Variants in H3C4 observed in about 807,000 individuals in gnomAD.
The protein encoded by H3C4 is histone H3.1.
A neutral mutation model predicts 8.7 loss-of-function variants in H3C4; 10 were observed. That is an observed-to-expected ratio of 1.15 (90% CI 0.71 to 1.96). The LOEUF (loss-of-function observed/expected upper bound fraction) is 1.96. Among genes scored for constraint, H3C4 ranks in the 30% most tolerant of loss-of-function variants. The probability of loss-of-function intolerance (pLI) is 0.00; values close to 1 mark genes in which losing one functional copy is unlikely to be tolerated. For missense variants in H3C4, 216 were observed against 192.9 expected, an observed-to-expected ratio of 1.12 and a Z score of -0.71; for synonymous variants, 141 against 80.1, an observed-to-expected ratio of 1.76 and a Z score of -4.06.
chr6:26,198,858 C>T (rs1380583736), upstream of H3C4: 4 of 1,613,354 alleles, frequency 2.5e-6, no homozygotes, highest in Admixed American at 1.7e-5. Context: ...GTTTTACTTG[C>T]CCTTGGCCTT....
At chr6:26,198,362 C>T (rs1009853785), upstream of H3C4, among the ~76,000 whole-genome samples, 1 of 152,158 alleles carries the variant, frequency 6.6e-6, no homozygotes, top group African/African-American at 2.4e-5. Context: ...GAGACAGTCT[C>T]GCTCTGTCGC....
rs780691617 is a variant in H3C4 at position 26,197,241 on chromosome 6, T to C, written c.10A>G (p.Thr4Ala). Reference sequence around the variant, plus strand: ...GTGGACTTGCGAGCAGTCTGCTTGGTACGAGCCATTGCGAACTTCTAAACC... The same window carrying C: ...GTGGACTTGCGAGCAGTCTGCTTGGCACGAGCCATTGCGAACTTCTAAACC... Reference protein sequence around the residue: MARTKQTARKSTGG... With the variant: MARAKQTARKSTGG... Residue 4 changes from threonine (T) to alanine (A), a missense_variant, in exon 1 of 1, where the codon ACC (threonine) becomes GCC (alanine). Thr to Ala is a moderately conservative substitution (Grantham distance 58). Transcript: ENST00000356476. 1.9e-6 allele frequency: 3 copies of C among 1,611,898 alleles called. No individual in the cohort carries two copies. Among genetic ancestry groups the C allele is most frequent in the Non-Finnish European group, 2.5e-6 (3 of 1,179,460 alleles).
At chr6:26,198,716 A>G (rs1301244502), upstream of H3C4, 2 of 837,256 alleles carry the variant, frequency 2.4e-6, no homozygotes, top group East Asian at 5.5e-5. Context: ...TTATAAATGG[A>G]AAAATTATTA....
At chr6:26,198,879 T>G, upstream of H3C4, 1 of 1,614,182 alleles carries the variant, frequency 6.2e-7, no homozygotes, top group Non-Finnish European at 8.5e-7. Flanking sequence ...GTGGTGACTC[T>G]CAGTCTTCTT....
chr6:26,198,903 G>C, upstream of H3C4: 1 of 1,614,236 alleles, frequency 6.2e-7, no homozygotes, highest in Non-Finnish European at 8.5e-7. Flanking sequence ...GAGCAGTACA[G>C]CCTGGATGTT....
Position 26,196,979 on chromosome 6 carries a change from A to T in H3C4, c.272T>A (p.Met91Lys), listed in dbSNP as rs1764983737. The T allele has an allele frequency of 6.2e-7, 1 of 1,614,254 alleles. No individual in the cohort carries two copies. Among genetic ancestry groups the T allele is most frequent in the East Asian group, 2.2e-5 (1 of 44,890 alleles). ...TDLRFQSSAV[M>K]ALQEACEAYL... is the part of the protein sequence containing the mutation. ...GGCCTCGCAGGCCTCCTGCAGCGCC[A>T]TCACCGCCGAGCTCTGAAAACGCAG... is the stretch of plus-strand genomic sequence containing the variant. Residue 91 changes from methionine (M) to lysine (K), a missense_variant, in exon 1 of 1, where the codon ATG becomes AAG. Met to Lys is a moderately conservative substitution (Grantham distance 95, BLOSUM62 -1). Transcript: ENST00000356476.
At chr6:26,198,824 T>G, upstream of H3C4, 1 of 1,602,554 alleles carries the variant, frequency 6.2e-7, no homozygotes, top group East Asian at 2.2e-5. Flanking sequence ...ACTGCTTCCT[T>G]AAAAAGCCAA....
In H3C4 at chr6:26,196,973, AG is replaced by A. The variant is rs1231613789; in HGVS notation, c.277del (p.Leu93CysfsTer26). 1.2e-6 allele frequency: 2 copies of A among 1,614,242 alleles called. No homozygotes were observed. Among genetic ancestry groups the A allele is most frequent in the Non-Finnish European group, 1.7e-6 (2 of 1,180,038 alleles). The stretch of plus-strand genomic sequence containing the variant: ...CAGGTAGGCCTCGCAGGCCTCCTGC[AG>A]CGCCATCACCGCCGAGCTCTGAAAA... ...LRFQSSAVMA[L>X]QEACEAYLVG... On this transcript the variant is annotated frameshift_variant, in exon 1 of 1. Coordinates refer to ENST00000356476, the MANE Select transcript of H3C4 (RefSeq NM_001376937.1). LOFTEE classifies it high-confidence loss of function.
At position 26,197,036 on chromosome 6, in the gene H3C4, A is replaced by T; in HGVS notation, c.215T>A (p.Val72Asp). The T allele has an allele frequency of 1.2e-6, 2 of 1,614,134 alleles. No individual in the cohort carries two copies. The highest frequency in any genetic ancestry group is 1.3e-5 in the African/African-American group (1 of 75,024). The change falls in exon 1 of 1, where the codon GTC (valine) becomes GAC (aspartate). Residue 72 changes from valine to aspartate, a missense_variant. Physicochemically the swap from Val to Asp is radical, Grantham distance 152. Coordinates refer to ENST00000356476, the MANE Select transcript of H3C4 (RefSeq NM_001376937.1). ...LIRKLPFQRL[V>D]REIAQDFKTD... ...CTTGAAGTCCTGCGCGATCTCACGG[A>T]CTAGACGCTGGAATGGCAGTTTGCG...
At chr6:26,199,118 C>G, upstream of H3C4, 1 of 1,614,214 alleles carries the variant, frequency 6.2e-7, no homozygotes, top group Non-Finnish European at 8.5e-7. Context: ...CCCCGACTCG[C>G]TCGGAGTAGT....
chr6:26,198,380 G>A (rs1293669374), upstream of H3C4, among the ~76,000 whole-genome samples: 1 of 152,160 alleles, frequency 6.6e-6, no homozygotes, highest in African/African-American at 2.4e-5. Context: ...CGCCGAAACT[G>A]GAGTGCAGTG....
upstream of H3C4, among the ~76,000 whole-genome samples, chr6:26,198,373 C>G (rs566569179): frequency 1.3e-5 from 2 of 152,238 alleles, no homozygotes; most frequent in East Asian, 3.9e-4. Flanking sequence ...GCTCTGTCGC[C>G]GAAACTGGAG....
At chr6:26,197,812 AAT>A (rs1182284180), upstream of H3C4, among the ~76,000 whole-genome samples, 3 of 114,668 alleles carry the variant, frequency 2.6e-5, no homozygotes, top group Non-Finnish European at 3.6e-5. Flanking sequence ...ATTTCACCAC[AAT>A]ATGTCATCCT....
chr6:26,198,778 A>T, upstream of H3C4: 1 of 1,452,218 alleles, frequency 6.9e-7, no homozygotes, highest in East Asian at 2.3e-5. Context: ...CCTTTTAAGG[A>T]ATACATGGGT....
rs761284557 is a variant in H3C4, at chr6:26,197,198, C to T, written c.53G>A (p.Arg18His). The T allele has an allele frequency of 1.2e-6, 2 of 1,614,050 alleles. No homozygotes were observed. Among genetic ancestry groups the T allele is most frequent in the South Asian group, 1.1e-5 (1 of 91,082 alleles). Residue 18 changes from arginine to histidine, a missense_variant, in exon 1 of 1, where the codon CGC (arginine) becomes CAC (histidine). By Grantham distance (29) the Arg-to-His change is conservative. Coordinates refer to ENST00000356476, the MANE Select transcript of H3C4 (RefSeq NM_001376937.1). ...AGCAGCCTTGGTGGCCAGCTGCTTGCGTGGCGCTTTCCCACCCGTGGACTT... is the reference window on the plus strand; with the variant it reads ...AGCAGCCTTGGTGGCCAGCTGCTTGTGTGGCGCTTTCCCACCCGTGGACTT... ...ARKSTGGKAP[R>H]KQLATKAARK...
rs192952440 is a variant in H3C4, at chr6:26,197,266, C to T, written c.-16G>A. On this transcript the variant is annotated 5_prime_UTR_variant, in exon 1 of 1. Transcript: ENST00000356476. The stretch of plus-strand genomic sequence containing the variant: ...TACGAGCCATTGCGAACTTCTAAAC[C>T]CTGCTAAATGACGAAAAAACGAAAG... 29 of 1,596,408 alleles carry T rather than the reference C, an allele frequency of 1.8e-5. No homozygotes were observed. In the South Asian group the frequency reaches 2.4e-4, roughly 13 times the overall value.
upstream of H3C4, chr6:26,198,884 C>A: frequency 6.2e-7 from 1 of 1,614,192 alleles, no homozygotes; most frequent in Non-Finnish European, 8.5e-7. Context: ...GACTCTCAGT[C>A]TTCTTGGGGA....
At chr6:26,199,032 G>A (rs755461081), upstream of H3C4, 6 of 1,614,130 alleles carry the variant, frequency 3.7e-6, no homozygotes, top group Admixed American at 3.3e-5. Flanking sequence ...GTTGTCGCGG[G>A]CGGCGTTGCC....
upstream of H3C4, chr6:26,199,133 C>G: frequency 6.2e-7 from 1 of 1,614,246 alleles, no homozygotes; most frequent in South Asian, 1.1e-5. Flanking sequence ...AGTAGTTGCC[C>G]TTGCGGAGCA....
Sources: gnomAD v4.1 joint callset for allele counts (sites outside exome capture counted in the v4.1 genomes callset) on GRCh38, gnomAD v4.1.1 for gene constraint, MANE v1.5 for transcripts, NCBI Gene and HGNC (gene_info 2026-07-23, HGNC 2026-07-21) for gene names.